NRTN: variants seen among roughly 807,000 people sequenced by gnomAD.
The protein encoded by NRTN is neurturin, also known as prepro-neurturin.
NRTN carries 3 observed loss-of-function variants against 7.5 expected under a neutral mutation model. The observed-to-expected ratio is 0.40, with a 90% CI of 0.18 to 1.03. NRTN has a LOEUF of 1.03. Among genes scored for constraint, NRTN ranks in the 50% least tolerant of loss-of-function variants. NRTN has a pLI of 0.34. For missense variants in NRTN, 310 were observed against 307.0 expected (o/e 1.01, Z -0.07); for synonymous variants, 157 against 146.6 (o/e 1.07, Z -0.51).
intron 1 of NRTN, among the ~76,000 whole-genome samples, chr19:5,812,396 G>C (rs748095123): frequency 1.3e-5 from 2 of 152,164 alleles, no homozygotes; most frequent in South Asian, 2.1e-4. Flanking sequence ...CTTCTGTGCT[G>C]GGGGAAGAAG....
intron 1 of NRTN, among the ~76,000 whole-genome samples, chr19:5,821,841 C>T (rs375898484): frequency 3.3e-5 from 5 of 152,248 alleles, no homozygotes; most frequent in African/African-American, 1.2e-4. Flanking sequence ...TCTCAAGTAC[C>T]ACCAATAGTG....
intron 2 of NRTN, among the ~76,000 whole-genome samples, chr19:5,825,383 C>A (rs1404098045): frequency 1.3e-5 from 2 of 152,188 alleles, no homozygotes; most frequent in African/African-American, 4.8e-5. Context: ...GGTGCGTGTG[C>A]AGCGCCTTTG....
intron 1 of NRTN, among the ~76,000 whole-genome samples, chr19:5,807,032 G>A (rs1327666699): frequency 1.3e-5 from 2 of 152,188 alleles, no homozygotes; most frequent in African/African-American, 4.8e-5. Flanking sequence ...GGGGATGGAG[G>A]GCTCTACCTC....
rs1205093330 is a variant in NRTN, at chr19:5,827,861, G to C, written c.282G>C (p.Ala94=). The change falls in exon 3 of 3, where the codon GCG becomes GCC. Residue 94 remains alanine, a synonymous_variant. Coordinates refer to ENST00000303212, the MANE Select transcript of NRTN (RefSeq NM_004558.5). ...GGGCGGGGCCCCGGCGGCGGCGCGC[G>C]CGTGCGCGGTTGGGGGCGCGGCCTT... ...RRRAGPRRRR[A]RARLGARPCG... 27 of 1,208,722 alleles carry C rather than the reference G, an allele frequency of 2.2e-5. No individual in the cohort carries two copies. Among genetic ancestry groups the C allele is most frequent in the Non-Finnish European group, 2.7e-5 (26 of 975,374 alleles). 74.9% of individuals were successfully genotyped at this position (1,208,722 alleles called of 1,614,324 possible). A position where few individuals can be genotyped will look rare whatever the true frequency, so the allele number is the denominator to read the frequency against.
intron 1 of NRTN, among the ~76,000 whole-genome samples, chr19:5,809,359 C>T (rs1008716868): frequency 1.3e-5 from 2 of 150,866 alleles, no homozygotes; most frequent in Non-Finnish European, 3.0e-5. Flanking sequence ...TTTGTAGAGA[C>T]GGGGGTCTCG....
Position 5,824,336 on chromosome 19 carries a change from TA to T in NRTN, c.169+4del. 1 of 1,598,678 alleles carries T rather than the reference TA, an allele frequency of 6.3e-7. No individual in the cohort carries two copies. Reference sequence around the variant, plus strand: ...CCCGGATTGCCCGCCTGGCCCAGTGTAAGCTCCTCCTCTGTGTGGGGTCAGA... The same window carrying T: ...CCCGGATTGCCCGCCTGGCCCAGTGTAGCTCCTCCTCTGTGTGGGGTCAGA... On this transcript the variant is annotated splice_donor_region_variant and intron_variant, in intron 2 of 2. Coordinates refer to ENST00000303212, the MANE Select transcript of NRTN (RefSeq NM_004558.5).
At chr19:5,823,705 T>A in intron 1 of NRTN, 63 bp from the exon 2 acceptor site, 1 of 298,422 alleles carries the variant, frequency 3.4e-6, no homozygotes, top group Non-Finnish European at 6.5e-6. Flanking sequence ...CGCGCCTTTG[T>A]CCCACACTGC....
chr19:5,823,859 G>T lies in NRTN; in HGVS notation c.-307G>T. 1.9e-6 allele frequency: 1 copy of T among 514,284 alleles called. No homozygotes were observed. The allele number at this position is 514,284 out of a possible 1,614,324, so 31.9% of individuals were successfully genotyped here. A position where few individuals can be genotyped will look rare whatever the true frequency, so the allele number is the denominator to read the frequency against. On this transcript the variant is annotated 5_prime_UTR_variant, in exon 2 of 3. Coordinates refer to ENST00000303212, the MANE Select transcript of NRTN (RefSeq NM_004558.5). ...TGCACTGGCTGTGTCCCCTGCCTGT[G>T]ATGCCATTCTCCTCTGCCTGGCCAA... is the stretch of plus-strand genomic sequence containing the variant.
chr19:5,824,069 G>T lies in NRTN; in HGVS notation c.-97G>T, dbSNP rs1329805094. 1.3e-6 allele frequency: 2 copies of T among 1,486,098 alleles called. No individual in the cohort carries two copies. The highest frequency in any genetic ancestry group is 2.8e-5 in the African/African-American group (2 of 72,620). 92.1% of individuals were successfully genotyped at this position (1,486,098 alleles called of 1,614,324 possible). A position where few individuals can be genotyped will look rare whatever the true frequency, so the allele number is the denominator to read the frequency against. On this transcript the variant is annotated 5_prime_UTR_variant, in exon 2 of 3. Coordinates refer to ENST00000303212, the MANE Select transcript of NRTN (RefSeq NM_004558.5). ...ATTCGGCAGGCGTTCAAAGTCAAAG[G>T]CCCCACACTGAGTCCTGGCCCAGCG...
chr19:5,820,645 C>T (rs2057020999), intron 1 of NRTN, among the ~76,000 whole-genome samples: 1 of 143,740 alleles, frequency 7.0e-6, no homozygotes, highest in Non-Finnish European at 1.5e-5. Context: ...AGGAGAATCG[C>T]TTGAACCCAG....
Position 5,827,966 on chromosome 19 carries a change from C to G in NRTN, c.387C>G (p.Tyr129Ter). Residue 129 changes from tyrosine to a stop codon, truncating the protein, a stop_gained, in exon 3 of 3, where the codon TAC (tyrosine) becomes TAG (stop). Coordinates refer to ENST00000303212, the MANE Select transcript of NRTN (RefSeq NM_004558.5). LOFTEE classifies it low-confidence loss of function (END_TRUNC). The stretch of plus-strand genomic sequence containing the variant: ...CCGACGAGACGGTGCTGTTCCGCTA[C>G]TGCGCAGGCGCCTGCGAGGCTGCCG... ...YASDETVLFR[Y>*]CAGACEAAAR... is the part of the protein sequence containing the mutation. 1 of 1,484,458 alleles carries G rather than the reference C, an allele frequency of 6.7e-7. No homozygotes were observed. The highest frequency in any genetic ancestry group is 8.9e-7 in the Non-Finnish European group (1 of 1,124,236). The allele number at this position is 1,484,458 out of a possible 1,614,324, so 92.0% of individuals were successfully genotyped here. A position where few individuals can be genotyped will look rare whatever the true frequency, so the allele number is the denominator to read the frequency against.
At chr19:5,810,679 A>G (rs2056987426) in intron 1 of NRTN, among the ~76,000 whole-genome samples, 1 of 151,934 alleles carries the variant, frequency 6.6e-6, no homozygotes, top group Non-Finnish European at 1.5e-5. Context: ...CGTGCCTGTA[A>G]TCCCAGCACT....
chr19:5,821,294 C>CTTTTT lies in NRTN; in HGVS notation c.-398-2450_-398-2446dup, dbSNP rs33932385. Among the ~76,000 whole-genome samples the CTTTTT allele has an allele frequency of 6.1e-5, 3 of 49,180 alleles. 1 individual carries two copies. The highest frequency in any genetic ancestry group is 1.0e-4 in the Non-Finnish European group (3 of 28,950). The allele number at this position is 49,180 out of a possible 152,430, so 32.3% of individuals were successfully genotyped here. ...AGGATCTGGGCCACCCAGTGCCTAG[C>CTTTTT]TTTTTTTTTTTTTTTTTTTTTTTTT... On this transcript the variant is annotated intron_variant, in intron 1 of 2. Coordinates refer to ENST00000303212, the MANE Select transcript of NRTN (RefSeq NM_004558.5).
intron 1 of NRTN, among the ~76,000 whole-genome samples, 85 bp downstream of exon 1, chr19:5,805,536 C>T (rs1225304931): frequency 1.3e-5 from 2 of 151,838 alleles, no homozygotes; most frequent in Non-Finnish European, 2.9e-5. Flanking sequence ...ATGGAGGGTG[C>T]TGAGGACTCC....
At chr19:5,808,997 C>T (rs1355147468) in intron 1 of NRTN, among the ~76,000 whole-genome samples, 2 of 151,806 alleles carry the variant, frequency 1.3e-5, no homozygotes, top group African/African-American at 2.4e-5. Context: ...CCTCATGATC[C>T]TCCCGCCTCG....
At chr19:5,824,912 G>T (rs117432690) in intron 2 of NRTN, among the ~76,000 whole-genome samples, 2,123 of 152,246 alleles carry the variant, frequency 0.014, 29 homozygotes, top group Non-Finnish European at 0.025. Context: ...CTGTCACAAG[G>T]AATTAGGCTC....
At chr19:5,811,199 C>A (rs2056989701) in intron 1 of NRTN, among the ~76,000 whole-genome samples, 1 of 152,064 alleles carries the variant, frequency 6.6e-6, no homozygotes, top group South Asian at 2.1e-4. Flanking sequence ...GATCGTGCAA[C>A]TGCACTCCAC....
chr19:5,822,966 G>A (rs2057030703), intron 1 of NRTN, among the ~76,000 whole-genome samples: 1 of 151,764 alleles, frequency 6.6e-6, no homozygotes, highest in Non-Finnish European at 1.5e-5. Flanking sequence ...GGAGGCTGCA[G>A]TGAGCTGTGA....
At chr19:5,820,555 A>G (rs1456397413) in intron 1 of NRTN, among the ~76,000 whole-genome samples, 2 of 103,468 alleles carry the variant, frequency 1.9e-5, no homozygotes, top group Non-Finnish European at 3.7e-5. Context: ...ACAGAGTGAG[A>G]CTCCGTCTCA....
Sources: allele counts gnomAD v4.1 joint callset (sites outside exome capture counted in the v4.1 genomes callset), GRCh38; gene constraint gnomAD v4.1.1; transcripts MANE v1.5; gene names NCBI Gene and HGNC (gene_info 2026-07-23, HGNC 2026-07-21).